The following MSLN variants were observed in gnomAD, a reference collection of about 807,000 sequenced individuals.
The protein encoded by MSLN is mesothelin.
Under a neutral mutation model 72.6 loss-of-function variants are expected in MSLN, and 82 were observed. That is an observed-to-expected ratio of 1.13 (90% CI 0.94 to 1.36). The LOEUF (loss-of-function observed/expected upper bound fraction) is 1.36, where lower values mean the gene tolerates loss of function less well. Among genes scored for constraint, MSLN ranks in the 40% most tolerant of loss-of-function variants. The pLI, the probability that MSLN is intolerant of heterozygous loss-of-function variation, is 0.00. For synonymous variants in MSLN, 456 were observed against 387.3 expected, an observed-to-expected ratio of 1.18 and a Z score of -2.08; for missense variants, 1,005 against 847.9, an observed-to-expected ratio of 1.19 and a Z score of -2.30.
chr16:768,592 G>T (rs372479257), intron 17 of MSLN, 27 bp downstream of exon 17: 3 of 1,610,110 alleles, frequency 1.9e-6, no homozygotes, highest in East Asian at 2.2e-5. Context: ...GGCCAGGGCT[G>T]GGGGCAGAGC....
intron 15 of MSLN, 119 bp downstream of exon 15, chr16:767,131 A>G: frequency 6.7e-7 from 1 of 1,498,996 alleles, no homozygotes; most frequent in Non-Finnish European, 9.1e-7. Context: ...CTGGGTGGTC[A>G]CCCGCCCTCT....
chr16:764,915 C>T lies in MSLN; in HGVS notation c.389C>T (p.Ala130Val), dbSNP rs768976120. ...LDLLLFLNPD[A>V]FSGPQACTRF... ...GCACCCTCTCTTCACAGCCCAGATG[C>T]GTTCTCGGGGCCCCAGGCCTGCACC... The change falls in exon 8 of 18, where the codon GCG (alanine) becomes GTG (valine). Residue 130 changes from alanine (A) to valine (V), a missense_variant. Transcript: ENST00000545450. The T allele has an allele frequency of 3.6e-5, 58 of 1,611,590 alleles. No homozygotes were observed. Among genetic ancestry groups the T allele is most frequent in the African/African-American group, 1.7e-4 (13 of 74,918 alleles).
rs781046287 is a variant in MSLN, at chr16:768,735, G to C, written c.*2G>C. 6.2e-7 allele frequency: 1 copy of C among 1,610,172 alleles called. No homozygotes were observed. ...CTCCTAGCCTCCACCCTGGCCTGAG[G>C]GCCCCACTCCCTTGCTGGCCCCAGC... On this transcript the variant is annotated 3_prime_UTR_variant, in exon 18 of 18. Transcript: ENST00000545450.
rs763937847 is a variant in MSLN at position 768,518 on chromosome 16, A to G, written c.1736A>G (p.Gln579Arg). The G allele has an allele frequency of 2.5e-6, 4 of 1,598,244 alleles. No individual in the cohort carries two copies. The highest frequency in any genetic ancestry group is 3.4e-6 in the Non-Finnish European group (4 of 1,171,284). ...CTGGACACGCTGGGGCTGGGGCTAC[A>G]GGGCGGCATCCCCAACGGCTACCTG... ...DDLDTLGLGL[Q>R]GGIPNGYLVL... The change falls in exon 17 of 18, where the codon CAG (glutamine) becomes CGG (arginine). Residue 579 changes from glutamine (Q) to arginine (R), a missense_variant. Physicochemically the swap from Gln to Arg is conservative, Grantham distance 43 (BLOSUM62 1). Transcript: ENST00000545450.
In MSLN at chr16:766,413, C is replaced by G. The variant is rs747380787; in HGVS notation, c.1153C>G (p.Arg385Gly). 1.9e-6 allele frequency: 3 copies of G among 1,612,584 alleles called. No homozygotes were observed. In the African/African-American group the frequency reaches 4.0e-5, roughly 22 times the overall value. The part of the protein sequence containing the change: ...LFLKMSPEDI[R>G]KWNVTSLETL... Reference sequence around the variant, plus strand: ...CCTCAAGATGAGCCCTGAGGACATTCGCAAGTGGAATGTGACGTCCCTGGA... The same window carrying G: ...CCTCAAGATGAGCCCTGAGGACATTGGCAAGTGGAATGTGACGTCCCTGGA... The change falls in exon 13 of 18, where the codon CGC (arginine) becomes GGC (glycine). Residue 385 changes from arginine to glycine, a missense_variant. Physicochemically the swap from Arg to Gly is moderately radical, Grantham distance 125 (BLOSUM62 -2). Transcript: ENST00000545450.
chr16:764,754 C>G (rs542294612), intron 7 of MSLN, 28 bp downstream of exon 7: 16 of 1,588,864 alleles, frequency 1.0e-5, no homozygotes, highest in African/African-American at 4.0e-5. Flanking sequence ...AACCCACCCC[C>G]CCGGCTTTTG....
At position 767,374 on chromosome 16, in the gene MSLN, A is replaced by G. The variant is rs1261015621; in HGVS notation, c.1502-2A>G. 6.2e-7 allele frequency: 1 copy of G among 1,609,234 alleles called. No homozygotes were observed. Among genetic ancestry groups the G allele is most frequent in the African/African-American group, 1.3e-5 (1 of 74,414 alleles). On this transcript the variant is annotated splice_acceptor_variant, in intron 15 of 17. Coordinates refer to ENST00000545450, the MANE Select transcript of MSLN (RefSeq NM_005823.6). LOFTEE classifies it high-confidence loss of function. ...AGCTCGGGCCCCTCTCCCGGCGGGC[A>G]GGTGGGGCCCCCACGGAGGATTTGA...
chr16:762,201 G>A (rs1008680138), intron 2 of MSLN, among the ~76,000 whole-genome samples: 1 of 152,236 alleles, frequency 6.6e-6, no homozygotes, highest in Non-Finnish European at 1.5e-5. Flanking sequence ...TGCCTCAAGG[G>A]TGTTGTCTGC....
Position 762,746 on chromosome 16 carries a change from GTTCC to G in MSLN, c.68_71del (p.Phe23CysfsTer54). 6.3e-7 allele frequency: 1 copy of G among 1,598,358 alleles called. No individual in the cohort carries two copies. The highest frequency in any genetic ancestry group is 8.5e-7 in the Non-Finnish European group (1 of 1,174,000). On this transcript the variant is annotated frameshift_variant, in exon 3 of 18. Coordinates refer to ENST00000545450, the MANE Select transcript of MSLN (RefSeq NM_005823.6). LOFTEE classifies it high-confidence loss of function. The stretch of plus-strand genomic sequence containing the variant: ...GGACCCCCGCCCTCGGCAGCCTCCT[GTTCC>G]TGCTCTTCAGCCTCGGTGCGTACTT...
Position 768,806 on chromosome 16 carries a change from C to A in MSLN, c.*73C>A. On this transcript the variant is annotated 3_prime_UTR_variant, in exon 18 of 18. Coordinates refer to ENST00000545450, the MANE Select transcript of MSLN (RefSeq NM_005823.6). Reference sequence around the variant, plus strand: ...GGCCAGGAGCAGGCACGGGTGGTCCCCGTTCCACCCCAAGAGAACTCGCGC... The same window carrying A: ...GGCCAGGAGCAGGCACGGGTGGTCCACGTTCCACCCCAAGAGAACTCGCGC... 7.1e-7 allele frequency: 1 copy of A among 1,417,950 alleles called. No homozygotes were observed. Among genetic ancestry groups the A allele is most frequent in the Non-Finnish European group, 9.8e-7 (1 of 1,016,188 alleles). 87.8% of individuals were successfully genotyped at this position (1,417,950 alleles called of 1,614,324 possible).
rs201704564 is a variant in MSLN at position 766,952 on chromosome 16, C to T, written c.1441C>T (p.Arg481Cys). 1.0e-4 allele frequency: 166 copies of T among 1,612,684 alleles called. No homozygotes were observed. Among genetic ancestry groups the T allele is most frequent in the Middle Eastern group, 3.3e-4 (2 of 6,060 alleles). ...GCTGGACGTCCTCTATCCCAAGGCC[C>T]GCCTTGCTTTCCAGAACATGAACGG... ...RQLDVLYPKARLAFQNMNGSE... is the reference protein window; with the variant it reads ...RQLDVLYPKACLAFQNMNGSE... The change falls in exon 15 of 18, where the codon CGC (arginine) becomes TGC (cysteine). Residue 481 changes from arginine to cysteine, a missense_variant. Coordinates refer to ENST00000545450, the MANE Select transcript of MSLN (RefSeq NM_005823.6).
chr16:762,606 G>A, intron 2 of MSLN, 66 bp from the exon 3 acceptor site: 1 of 1,258,752 alleles, frequency 7.9e-7, no homozygotes, highest in Non-Finnish European at 1.2e-6. Context: ...GTGGCCCCAG[G>A]CTGGCCCAGG....
intron 2 of MSLN, among the ~76,000 whole-genome samples, chr16:762,208 C>T (rs1285842116): frequency 3.3e-5 from 5 of 152,208 alleles, no homozygotes; most frequent in Non-Finnish European, 7.3e-5. Context: ...AGGGTGTTGT[C>T]TGCCTGGCAG....
At chr16:766,279 GC>G in intron 12 of MSLN, 42 bp downstream of exon 12, 2 of 1,609,884 alleles carry the variant, frequency 1.2e-6, no homozygotes, top group South Asian at 2.2e-5. Flanking sequence ...CTGTGTCCAA[GC>G]CATCCCCAGC....
In MSLN at chr16:762,724, C is replaced by T; in HGVS notation, c.44C>T (p.Thr15Ile). The change falls in exon 3 of 18, where the codon ACC becomes ATC. Residue 15 changes from threonine to isoleucine, a missense_variant. Physicochemically the swap from Thr to Ile is moderately conservative, Grantham distance 89. Transcript: ENST00000545450. The stretch of plus-strand genomic sequence containing the variant: ...CGACCCCTGTTGGGGTCCTGTGGGA[C>T]CCCCGCCCTCGGCAGCCTCCTGTTC... The part of the protein sequence containing the change: ...TARPLLGSCG[T>I]PALGSLLFLL... 6.2e-7 allele frequency: 1 copy of T among 1,604,714 alleles called. No homozygotes were observed. The highest frequency in any genetic ancestry group is 8.5e-7 in the Non-Finnish European group (1 of 1,176,780).
Position 766,507 on chromosome 16 carries a change from G to C in MSLN, c.1230+17G>C, listed in dbSNP as rs1177398254. 4.3e-6 allele frequency: 7 copies of C among 1,612,382 alleles called. No homozygotes were observed. Among genetic ancestry groups the C allele is most frequent in the Non-Finnish European group, 5.1e-6 (6 of 1,179,752 alleles). On this transcript the variant is annotated intron_variant, in intron 13 of 17. Coordinates refer to ENST00000545450, the MANE Select transcript of MSLN (RefSeq NM_005823.6). Reference sequence around the variant, plus strand: ...AGTCCTCAGGTGACCGTCCGGCTCGGGGGTCATGTGGCATGAGATTGGGAA... The same window carrying C: ...AGTCCTCAGGTGACCGTCCGGCTCGCGGGTCATGTGGCATGAGATTGGGAA...
Position 764,672 on chromosome 16 carries a change from C to T in MSLN, c.326C>T (p.Ser109Phe). The change falls in exon 7 of 18, where the codon TCT (serine) becomes TTT (phenylalanine). Residue 109 changes from serine to phenylalanine, a missense_variant. Ser to Phe is a radical substitution (Grantham distance 155). Transcript: ENST00000545450. ...CTGCGCTGTCTGGCTCACCGGCTCT[C>T]TGAGCCCCCCGAGGACCTGGACGCC... Reference protein sequence around the residue: ...EQLRCLAHRLSEPPEDLDALP... With the variant: ...EQLRCLAHRLFEPPEDLDALP... 6.2e-7 allele frequency: 1 copy of T among 1,612,528 alleles called. No homozygotes were observed. The highest frequency in any genetic ancestry group is 1.7e-5 in the Admixed American group (1 of 60,018).
In MSLN at chr16:766,148, G is replaced by A; in HGVS notation, c.985G>A (p.Ala329Thr). The A allele has an allele frequency of 1.2e-6, 2 of 1,612,756 alleles. No homozygotes were observed. The highest frequency in any genetic ancestry group is 1.7e-6 in the Non-Finnish European group (2 of 1,179,912). Residue 329 changes from alanine (A) to threonine (T), a missense_variant, in exon 12 of 18, where the codon GCG (alanine) becomes ACG (threonine). Physicochemically the swap from Ala to Thr is moderately conservative, Grantham distance 58. Transcript: ENST00000545450. ...KKWELEACVDAALLATQMDRV... is the reference protein window; with the variant it reads ...KKWELEACVDTALLATQMDRV... Reference sequence around the variant, plus strand: ...GTGGGAGCTGGAAGCCTGCGTGGATGCGGCCCTGCTGGCCACCCAGATGGA... The same window carrying A: ...GTGGGAGCTGGAAGCCTGCGTGGATACGGCCCTGCTGGCCACCCAGATGGA...
intron 2 of MSLN, among the ~76,000 whole-genome samples, chr16:762,149 G>A (rs1167005883): frequency 2.0e-5 from 3 of 152,204 alleles, no homozygotes; most frequent in Admixed American, 6.5e-5. Flanking sequence ...GACGCTGCTG[G>A]GTGGGAAGGG....
Sources: allele counts gnomAD v4.1 joint callset (sites outside exome capture counted in the v4.1 genomes callset), GRCh38; gene constraint gnomAD v4.1.1; transcripts MANE v1.5; gene names NCBI Gene and HGNC (gene_info 2026-07-23, HGNC 2026-07-21).